CTPS2: variants seen among roughly 807,000 people sequenced by gnomAD.
CTPS2 encodes the protein CTP synthase II.
Under a neutral mutation model 46.8 loss-of-function variants are expected in CTPS2, and 19 were observed. The ratio of observed to expected loss-of-function variants is 0.41; its 90% CI spans 0.28 to 0.60. The LOEUF (loss-of-function observed/expected upper bound fraction) is 0.60, where lower values mean the gene tolerates loss of function less well. CTPS2 is among the 20% of genes least tolerant of loss of function. The pLI is 0.35. For synonymous variants in CTPS2, 151 were observed against 165.2 expected, an observed-to-expected ratio of 0.91 and a Z score of 0.66; for missense variants, 286 against 447.6, an observed-to-expected ratio of 0.64 and a Z score of 3.26.
Position 16,693,359 on chromosome X carries a change from T to G in CTPS2, c.555+12A>C. On this transcript the variant is annotated intron_variant, in intron 5 of 18. Coordinates refer to ENST00000359276, the MANE Select transcript of CTPS2 (RefSeq NM_175859.3). Reference sequence around the variant, plus strand: ...CAAAGTTGCTGTCCACATACTTATCTGGAAAGCCCACCTGTGGGACAAGGC... The same window carrying G: ...CAAAGTTGCTGTCCACATACTTATCGGGAAAGCCCACCTGTGGGACAAGGC... The G allele has an allele frequency of 1.7e-6, 2 of 1,151,141 alleles. No individual in the cohort carries two copies. The highest frequency in any genetic ancestry group is 2.4e-6 in the Non-Finnish European group (2 of 840,685). 94.9% of individuals were successfully genotyped at this position (1,151,141 alleles called of 1,213,427 possible).
At chrX:16,623,294 A>C (rs1168178832) in intron 14 of CTPS2, among the ~76,000 whole-genome samples, 1 of 111,547 alleles carries the variant, frequency 9.0e-6, no homozygotes, top group African/African-American at 3.3e-5. Flanking sequence ...AGTTATTTTT[A>C]AATGTACAAT....
rs186822909 is a variant in CTPS2, at chrX:16,654,511, G to A, written c.1296+13003C>T. On this transcript the variant is annotated intron_variant, in intron 13 of 18. Transcript: ENST00000359276. ...TTAGTAAAAAAGATATCCCAGTGAAGGAGAAAACAAAATAGAACCCTGAGC... is the reference window on the plus strand; with the variant it reads ...TTAGTAAAAAAGATATCCCAGTGAAAGAGAAAACAAAATAGAACCCTGAGC... 5 of 1,121,854 alleles carry A rather than the reference G, an allele frequency of 4.5e-6. No individual in the cohort carries two copies. In the East Asian group the frequency reaches 1.5e-4, roughly 34 times the overall value. 92.5% of individuals were successfully genotyped at this position (1,121,854 alleles called of 1,213,427 possible).
At chrX:16,672,009 C>G (rs974946547) in intron 10 of CTPS2, among the ~76,000 whole-genome samples, 3 of 110,845 alleles carry the variant, frequency 2.7e-5, no homozygotes, top group African/African-American at 9.9e-5. Flanking sequence ...AGGCTCCTCT[C>G]AATAAAAGGC....
At chrX:16,626,558 C>T (rs1931162260) in intron 14 of CTPS2, among the ~76,000 whole-genome samples, 1 of 111,274 alleles carries the variant, frequency 9.0e-6, no homozygotes. Flanking sequence ...TAAGATGGTA[C>T]ATTTTATGTT....
intron 14 of CTPS2, among the ~76,000 whole-genome samples, chrX:16,620,764 G>A (rs373112883): frequency 7.8e-4 from 88 of 112,128 alleles, no homozygotes; most frequent in Non-Finnish European, 1.5e-3. Flanking sequence ...GCTGGGCAGC[G>A]GAGCCTGTTC....
intron 13 of CTPS2, among the ~76,000 whole-genome samples, chrX:16,644,047 C>G (rs1367155869): frequency 9.0e-6 from 1 of 111,629 alleles, no homozygotes; most frequent in Admixed American, 9.6e-5. Flanking sequence ...CTGAATAATG[C>G]CTCCCCTACC....
intron 10 of CTPS2, among the ~76,000 whole-genome samples, chrX:16,676,815 A>G (rs779323353): frequency 1.0e-3 from 117 of 111,636 alleles, no homozygotes; most frequent in Non-Finnish European, 1.1e-3. Context: ...TAATCCCAGC[A>G]CTTTGGGAGG....
chrX:16,703,566 C>A (rs970260768), intron 1 of CTPS2, among the ~76,000 whole-genome samples: 1 of 111,565 alleles, frequency 9.0e-6, no homozygotes, highest in Non-Finnish European at 1.9e-5. Flanking sequence ...CTCCTGGGCT[C>A]AAGCAATCCT....
In CTPS2 at chrX:16,624,053, C is replaced by T. The variant is rs749761307; in HGVS notation, c.1394-3721G>A. Among the ~76,000 whole-genome samples the T allele has an allele frequency of 2.3e-3, 254 of 109,509 alleles. 1 individual carries two copies. Among genetic ancestry groups the T allele is most frequent in the African/African-American group, 8.2e-3 (248 of 30,144 alleles). On this transcript the variant is annotated intron_variant, in intron 14 of 18. Coordinates refer to ENST00000359276, the MANE Select transcript of CTPS2 (RefSeq NM_175859.3). ...CTATCTCCTGACCTCGTGATCCACC[C>T]GCCTTAGGATTACAGGCGTGAGCCA...
chrX:16,687,774 A>G (rs1923355666), intron 8 of CTPS2, among the ~76,000 whole-genome samples: 2 of 111,321 alleles, frequency 1.8e-5, no homozygotes, highest in African/African-American at 6.5e-5. Context: ...GAGAGCCTCA[A>G]TCTGATTAGT....
At chrX:16,654,354 T>C in intron 13 of CTPS2, 1 of 845,499 alleles carries the variant, frequency 1.2e-6, no homozygotes, top group Non-Finnish European at 1.7e-6. Context: ...TAGCAGTAAC[T>C]GATTCATTTT....
At chrX:16,681,829 G>A (rs1002477908) in intron 9 of CTPS2, among the ~76,000 whole-genome samples, 4 of 111,720 alleles carry the variant, frequency 3.6e-5, no homozygotes, top group Admixed American at 9.6e-5. Context: ...GATTACAGGC[G>A]TGAACTACTT....
At chrX:16,659,254 T>C (rs1407142113) in intron 13 of CTPS2, among the ~76,000 whole-genome samples, 1 of 111,541 alleles carries the variant, frequency 9.0e-6, no homozygotes, top group Non-Finnish European at 1.9e-5. Flanking sequence ...CAAGGCACTA[T>C]ACAAGATGCC....
chrX:16,596,826 C>T (rs371962137), intron 17 of CTPS2, among the ~76,000 whole-genome samples: 1 of 106,239 alleles, frequency 9.4e-6, no homozygotes, highest in African/African-American at 3.6e-5. Flanking sequence ...TAAAAGTGTT[C>T]CTATTTCTCC....
At chrX:16,686,913 A>T (rs188427239) in intron 8 of CTPS2, among the ~76,000 whole-genome samples, 1,189 of 110,372 alleles carry the variant, frequency 0.011, 11 homozygotes, top group African/African-American at 0.026. Context: ...CAAAAAAAAA[A>T]AAATAAATAA....
intron 13 of CTPS2, chrX:16,651,196 A>T (rs1432449295): frequency 1.0e-5 from 3 of 298,514 alleles, no homozygotes; most frequent in Non-Finnish European, 2.0e-5. Flanking sequence ...GAGGGGAGGG[A>T]GGGAGGGGAG....
At chrX:16,660,789 G>A (rs1932928622) in intron 13 of CTPS2, among the ~76,000 whole-genome samples, 1 of 110,985 alleles carries the variant, frequency 9.0e-6, no homozygotes, top group African/African-American at 3.3e-5. Flanking sequence ...GATTACAGGT[G>A]TGAGCCACCG....
At chrX:16,696,433 G>A (rs1286835119) in intron 4 of CTPS2, among the ~76,000 whole-genome samples, 1 of 112,217 alleles carries the variant, frequency 8.9e-6, no homozygotes, top group African/African-American at 3.2e-5. Flanking sequence ...GAGAGCAGGA[G>A]TCAGATCACA....
chrX:16,683,085 A>G lies in CTPS2; in HGVS notation c.1005+9T>C. On this transcript the variant is annotated intron_variant, in intron 9 of 18. Transcript: ENST00000359276. ...ACTGAGATAGCCAAAAGACCAGGCC[A>G]GGACTCACCATCAGATTCAACTTGT... 4 of 1,211,341 alleles carry G rather than the reference A, an allele frequency of 3.3e-6. No homozygotes were observed. The highest frequency in any genetic ancestry group is 4.5e-6 in the Non-Finnish European group (4 of 895,269).
Sources: allele counts gnomAD v4.1 joint callset (sites outside exome capture counted in the v4.1 genomes callset), GRCh38; gene constraint gnomAD v4.1.1; transcripts MANE v1.5; gene names NCBI Gene and HGNC (gene_info 2026-07-23, HGNC 2026-07-21).